USF3: variants seen among roughly 807,000 people sequenced by gnomAD.
USF3 encodes the protein upstream transcription factor family member 3, also known as basic helix-loop-helix domain-containing protein USF3.
USF3 carries 29 observed loss-of-function variants against 157.5 expected under a neutral mutation model. That is an observed-to-expected ratio of 0.18 (90% CI 0.14 to 0.25). USF3 has a LOEUF of 0.25. Ranked by LOEUF, USF3 falls within the 10% of genes least tolerant of loss-of-function variation. The pLI is 1.00. For missense variants in USF3, 2,381 were observed against 2,667.6 expected, an observed-to-expected ratio of 0.89 and a Z score of 2.37; for synonymous variants, 893 against 941.4, an observed-to-expected ratio of 0.95 and a Z score of 0.94.
chr3:113,696,260 G>A (rs939458645), intron 1 of USF3, 110 bp downstream of exon 1: 1 of 152,560 alleles, frequency 6.6e-6, no homozygotes, highest in African/African-American at 2.4e-5. Flanking sequence ...CCCGGAGCAG[G>A]AAGGGGGTGG....
chr3:113,657,652 G>T lies in USF3; in HGVS notation c.4030C>A (p.Gln1344Lys). The T allele has an allele frequency of 6.2e-7, 1 of 1,614,196 alleles. No individual in the cohort carries two copies. Among genetic ancestry groups the T allele is most frequent in the Non-Finnish European group, 8.5e-7 (1 of 1,180,034 alleles). Residue 1344 changes from glutamine to lysine, a missense_variant, in exon 7 of 7, where the codon CAA becomes AAA. Coordinates refer to ENST00000316407, the MANE Select transcript of USF3 (RefSeq NM_001009899.4). ...AGGGGGGCTGGCTGACAGTGCTTTTGACGTTTAGCTGAAGACAGTAAAAGG... is the reference window on the plus strand; with the variant it reads ...AGGGGGGCTGGCTGACAGTGCTTTTTACGTTTAGCTGAAGACAGTAAAAGG... ...DDLLLSSAKR[Q>K]KHCQPAPLRL...
In USF3 at chr3:113,655,833, G is replaced by C; in HGVS notation, c.5849C>G (p.Ala1950Gly). ...TTNMHGVARP[A>G]LPHPSVSHGN... ...ATGAGACACAGATGGATGTGGCAAC[G>C]CTGGCCTTGCAACCCCATGCATGTT... Residue 1950 changes from alanine (A) to glycine (G), a missense_variant, in exon 7 of 7, where the codon GCG becomes GGG. By Grantham distance (60) the Ala-to-Gly change is moderately conservative. Transcript: ENST00000316407. 1 of 1,614,166 alleles carries C rather than the reference G, an allele frequency of 6.2e-7. No homozygotes were observed. Among genetic ancestry groups the C allele is most frequent in the Non-Finnish European group, 8.5e-7 (1 of 1,180,034 alleles).
At chr3:113,692,011 G>A (rs953527243) in intron 1 of USF3, among the ~76,000 whole-genome samples, 1 of 152,152 alleles carries the variant, frequency 6.6e-6, no homozygotes, top group Admixed American at 6.5e-5. Flanking sequence ...ATGGTTTCAG[G>A]ATGAAACTGT....
At position 113,658,181 on chromosome 3, in the gene USF3, T is replaced by C; in HGVS notation, c.3501A>G (p.Ala1167=). The C allele has an allele frequency of 1.2e-6, 2 of 1,614,170 alleles. No individual in the cohort carries two copies. The highest frequency in any genetic ancestry group is 2.2e-5 in the East Asian group (1 of 44,890). Residue 1167 remains alanine (A), a synonymous_variant, in exon 7 of 7, where the codon GCA becomes GCG. Transcript: ENST00000316407. ...IREVASKPSE[A]SLLEGDPPFK... Reference sequence around the variant, plus strand: ...AGGGTGGGTCTCCCTCTAACAATGATGCTTCAGAAGGCTTTGAAGCAACTT... The same window carrying C: ...AGGGTGGGTCTCCCTCTAACAATGACGCTTCAGAAGGCTTTGAAGCAACTT...
chr3:113,674,988 T>A, intron 2 of USF3, 92 bp from the exon 3 acceptor site: 1 of 770,876 alleles, frequency 1.3e-6, no homozygotes, highest in Non-Finnish European at 2.3e-6. Flanking sequence ...AATATTAAAA[T>A]GCTAAAAAAT....
chr3:113,696,125 CT>C (rs1270583291), intron 1 of USF3, among the ~76,000 whole-genome samples: 1 of 152,248 alleles, frequency 6.6e-6, no homozygotes, highest in African/African-American at 2.4e-5. Context: ...CCCCACGGGC[CT>C]GGCAGCCGGG....
rs377043452 is a variant in USF3 at position 113,656,735 on chromosome 3, T to C, written c.4947A>G (p.Arg1649=). 2 of 1,614,202 alleles carry C rather than the reference T, an allele frequency of 1.2e-6. No homozygotes were observed. Among genetic ancestry groups the C allele is most frequent in the Non-Finnish European group, 1.7e-6 (2 of 1,180,036 alleles). Residue 1649 remains arginine, a synonymous_variant, in exon 7 of 7, where the codon AGA becomes AGG. Coordinates refer to ENST00000316407, the MANE Select transcript of USF3 (RefSeq NM_001009899.4). ...GTGGAGTACAGGTCATGTCTGAAGA[T>C]CTAGTCACAATACTTGGTTGGGACA... The part of the protein sequence containing the change: ...QMVSQPSIVT[R]SSDMTCTPHR...
chr3:113,659,117 C>T lies in USF3; in HGVS notation c.2565G>A (p.Gln855=), dbSNP rs1165476138. 1.2e-6 allele frequency: 2 copies of T among 1,614,038 alleles called. No homozygotes were observed. The highest frequency in any genetic ancestry group is 1.7e-6 in the Non-Finnish European group (2 of 1,180,046). Residue 855 remains glutamine, a synonymous_variant, in exon 7 of 7, where the codon CAG becomes CAA. Coordinates refer to ENST00000316407, the MANE Select transcript of USF3 (RefSeq NM_001009899.4). ...PAVLPSVSVS[Q]ANSVSVSASH... ...AAGCAGAAACACTCACACTATTTGCCTGAGACACAGAGACAGATGGTAACA... is the reference window on the plus strand; with the variant it reads ...AAGCAGAAACACTCACACTATTTGCTTGAGACACAGAGACAGATGGTAACA...
At chr3:113,694,230 C>T (rs1707753433) in intron 1 of USF3, among the ~76,000 whole-genome samples, 1 of 152,196 alleles carries the variant, frequency 6.6e-6, no homozygotes, top group African/African-American at 2.4e-5. Context: ...TTATAAGCAA[C>T]AAACTTGAGC....
chr3:113,658,355 T>G lies in USF3; in HGVS notation c.3327A>C (p.Arg1109Ser). The change falls in exon 7 of 7, where the codon AGA (arginine) becomes AGC (serine). Residue 1109 changes from arginine (R) to serine (S), a missense_variant. Transcript: ENST00000316407. ...SVASMLPETT[R>S]EDVTSNATTN... ...TTGTTGCATTGCTGGTCACATCTTC[T>G]CTTGTTGTTTCAGGAAGCATGGATG... is the stretch of plus-strand genomic sequence containing the variant. 1.2e-6 allele frequency: 2 copies of G among 1,614,162 alleles called. No individual in the cohort carries two copies. The highest frequency in any genetic ancestry group is 1.7e-6 in the Non-Finnish European group (2 of 1,180,024).
chr3:113,688,203 C>T (rs1346113072), intron 1 of USF3, among the ~76,000 whole-genome samples: 1 of 152,096 alleles, frequency 6.6e-6, no homozygotes, highest in Admixed American at 6.6e-5. Flanking sequence ...TGTGCAACCT[C>T]CACCTCCCGG....
intron 3 of USF3, 127 bp from the exon 4 acceptor site, chr3:113,673,503 T>C: frequency 1.6e-6 from 1 of 621,870 alleles, no homozygotes; most frequent in South Asian, 1.9e-5. Context: ...TAAGAAACAA[T>C]CTGAAGAAAC....
At position 113,654,814 on chromosome 3, in the gene USF3, G is replaced by T; in HGVS notation, c.*130C>A. ...ATCTGACATGGCTTCCCTACATTCAGAAGATAACTGAAAACTGATTATACA... is the reference window on the plus strand; with the variant it reads ...ATCTGACATGGCTTCCCTACATTCATAAGATAACTGAAAACTGATTATACA... On this transcript the variant is annotated 3_prime_UTR_variant, in exon 7 of 7. Transcript: ENST00000316407. 1.9e-6 allele frequency: 2 copies of T among 1,029,548 alleles called. No homozygotes were observed. Among genetic ancestry groups the T allele is most frequent in the Non-Finnish European group, 2.7e-6 (2 of 735,410 alleles). The allele number at this position is 1,029,548 out of a possible 1,614,324, so 63.8% of individuals were successfully genotyped here.
rs1947279003 is a variant in USF3 at position 113,652,363 on chromosome 3, GACT to G, written c.*2578_*2580del. 6.6e-6 allele frequency: 1 copy of G among 151,884 alleles called. No individual in the cohort carries two copies. The highest frequency in any genetic ancestry group is 1.5e-5 in the Non-Finnish European group (1 of 67,996). 9.4% of individuals were successfully genotyped at this position (151,884 alleles called of 1,614,324 possible). On this transcript the variant is annotated 3_prime_UTR_variant, in exon 7 of 7. Transcript: ENST00000316407. ...ACATTTTTCCTCAATAAAAAGTTTT[GACT>G]ACTGTGTTTATCTGTTGTCTTGAGT... is the stretch of plus-strand genomic sequence containing the variant.
At position 113,695,904 on chromosome 3, in the gene USF3, G is replaced by A. The variant is rs116859444; in HGVS notation, c.-135+466C>T. ...TAACACTTCGACAGAGGGGTGAGAGGGAAAAAGCAAGCCACATGAGTCTGA... is the reference window on the plus strand; with the variant it reads ...TAACACTTCGACAGAGGGGTGAGAGAGAAAAAGCAAGCCACATGAGTCTGA... On this transcript the variant is annotated intron_variant, in intron 1 of 6. Coordinates refer to ENST00000316407, the MANE Select transcript of USF3 (RefSeq NM_001009899.4). Among the ~76,000 whole-genome samples the A allele has an allele frequency of 1.3e-3, 192 of 152,300 alleles. 2 individuals are homozygous for A. In the East Asian group the frequency reaches 0.03, roughly 24 times the overall value.
In USF3 at chr3:113,661,910, A is replaced by G. The variant is rs963195954; in HGVS notation, c.257-485T>C. Among the ~76,000 whole-genome samples the G allele has an allele frequency of 6.6e-5, 10 of 152,250 alleles. No individual in the cohort carries two copies. In the East Asian group the frequency reaches 1.9e-3, roughly 29 times the overall value. ...GACCCAGGCCGGAGTGCAGTGGTGC[A>G]ATCTCGGCTCACTGCAACCTCCACC... On this transcript the variant is annotated intron_variant, in intron 6 of 6. Coordinates refer to ENST00000316407, the MANE Select transcript of USF3 (RefSeq NM_001009899.4).
At chr3:113,682,970 C>A (rs1392702899) in intron 1 of USF3, among the ~76,000 whole-genome samples, 1 of 148,398 alleles carries the variant, frequency 6.7e-6, no homozygotes, top group African/African-American at 2.5e-5. Flanking sequence ...CATTTACATT[C>A]AATATTATTA....
At chr3:113,662,169 T>A (rs572109453) in intron 6 of USF3, among the ~76,000 whole-genome samples, 4 of 152,364 alleles carry the variant, frequency 2.6e-5, no homozygotes, top group African/African-American at 9.6e-5. Flanking sequence ...TATAAATCAA[T>A]TTAGTTTCTA....
chr3:113,679,178 T>C lies in USF3; in HGVS notation c.-134-1781A>G, dbSNP rs539651963. ...TACATTAGTAATCTCTGAATTATTA[T>C]GCTTTTATGGAAGAACTATTCCTGA... On this transcript the variant is annotated intron_variant, in intron 1 of 6. Transcript: ENST00000316407. Among the ~76,000 whole-genome samples, 3 of 152,288 alleles carry C rather than the reference T, an allele frequency of 2.0e-5. No homozygotes were observed. The South Asian group carries it at 6.2e-4, about 32-fold the overall frequency.
Sources: allele counts gnomAD v4.1 joint callset (sites outside exome capture counted in the v4.1 genomes callset), GRCh38; gene constraint gnomAD v4.1.1; transcripts MANE v1.5; gene names NCBI Gene and HGNC (gene_info 2026-07-23, HGNC 2026-07-21).